The following SHCBP1L variants were observed in gnomAD, a reference collection of about 807,000 sequenced individuals.
SHCBP1L encodes the protein testicular spindle-associated protein SHCBP1L.
SHCBP1L carries 67 observed loss-of-function variants against 62.5 expected under a neutral mutation model. That is an observed-to-expected ratio of 1.07 (90% CI 0.88 to 1.31). The LOEUF (loss-of-function observed/expected upper bound fraction) is 1.31. SHCBP1L is among the 40% of genes most tolerant of loss of function. SHCBP1L has a pLI of 0.00. For synonymous variants in SHCBP1L, 284 were observed against 289.4 expected, an observed-to-expected ratio of 0.98 and a Z score of 0.19; for missense variants, 823 against 809.8, an observed-to-expected ratio of 1.02 and a Z score of -0.20.
intron 2 of SHCBP1L, chr1:182,942,308 A>G (rs1302335153): frequency 3.3e-6 from 3 of 909,490 alleles, no homozygotes; most frequent in Non-Finnish European, 5.6e-6. Flanking sequence ...CTTCGCTTCC[A>G]CTGTTGCAGG....
At chr1:182,930,551 G>GTATATA (rs10536791) in intron 5 of SHCBP1L, among the ~76,000 whole-genome samples, 91 of 49,444 alleles carry the variant, frequency 1.8e-3, no homozygotes, top group Non-Finnish European at 2.4e-3. Context: ...TAGTGTGTGT[G>GTATATA]TATATATATA....
intron 1 of SHCBP1L, among the ~76,000 whole-genome samples, chr1:182,952,298 G>A (rs1227829234): frequency 1.5e-5 from 2 of 131,196 alleles, no homozygotes; most frequent in Non-Finnish European, 3.1e-5. Context: ...ATATCATGCC[G>A]CATTGTGGAC....
At chr1:182,944,946 T>C (rs929739224) in intron 2 of SHCBP1L, among the ~76,000 whole-genome samples, 5 of 149,174 alleles carry the variant, frequency 3.4e-5, no homozygotes, top group African/African-American at 1.0e-4. Context: ...CATTTTCTTT[T>C]TTCTTTCTTT....
intron 6 of SHCBP1L, among the ~76,000 whole-genome samples, chr1:182,906,671 G>C (rs1650024430): frequency 6.6e-6 from 1 of 151,844 alleles, no homozygotes; most frequent in Non-Finnish European, 1.5e-5. Context: ...ACCTCAGGTG[G>C]TCCACCTGCC....
At chr1:182,926,054 G>A (rs74861085) in intron 6 of SHCBP1L, among the ~76,000 whole-genome samples, 23 of 152,238 alleles carry the variant, frequency 1.5e-4, no homozygotes, top group East Asian at 7.7e-4. Flanking sequence ...TGGGGGAAAG[G>A]GGAAATGGAG....
Position 182,950,306 on chromosome 1 carries a change from A to G in SHCBP1L, c.555+1012T>C, listed in dbSNP as rs188898544. On this transcript the variant is annotated intron_variant, in intron 2 of 9. Coordinates refer to ENST00000367547, the MANE Select transcript of SHCBP1L (RefSeq NM_030933.4). ...CTTTAACAGAATCAAACATGCCACAATGTTTAGCCTACAGGCCTAACAAAG... is the reference window on the plus strand; with the variant it reads ...CTTTAACAGAATCAAACATGCCACAGTGTTTAGCCTACAGGCCTAACAAAG... Among the ~76,000 whole-genome samples, 27 of 152,318 alleles carry G rather than the reference A, an allele frequency of 1.8e-4. No individual in the cohort carries two copies. In the East Asian group the frequency reaches 4.6e-3, roughly 26 times the overall value.
At position 182,953,022 on chromosome 1, in the gene SHCBP1L, T is replaced by C; in HGVS notation, c.112A>G (p.Thr38Ala). 6.5e-7 allele frequency: 1 copy of C among 1,542,086 alleles called. No individual in the cohort carries two copies. Among genetic ancestry groups the C allele is most frequent in the Non-Finnish European group, 8.7e-7 (1 of 1,148,580 alleles). The change falls in exon 1 of 10, where the codon ACC becomes GCC. Residue 38 changes from threonine to alanine, a missense_variant. Physicochemically the swap from Thr to Ala is moderately conservative, Grantham distance 58. Transcript: ENST00000367547. ...GGGATCGCGGTGCCCTTCAGGGTGG[T>C]CGCGGCCGCCGTGTCCCCGGAGACA... Reference protein sequence around the residue: ...SAVSGDTAAATTLKGTAIPVR... With the variant: ...SAVSGDTAAAATLKGTAIPVR...
chr1:182,900,809 G>T (rs1320121346), intron 9 of SHCBP1L, among the ~76,000 whole-genome samples: 1 of 151,976 alleles, frequency 6.6e-6, no homozygotes, highest in East Asian at 1.9e-4. Context: ...GAGGCAGAAG[G>T]ATAGCTTGAG....
chr1:182,929,809 C>T, intron 5 of SHCBP1L, 57 bp from the exon 6 acceptor site: 3 of 1,208,660 alleles, frequency 2.5e-6, no homozygotes, highest in Non-Finnish European at 2.3e-6. Flanking sequence ...CTGACCTTGT[C>T]CTTACTTGTA....
rs183927731 is a variant in SHCBP1L at position 182,945,244 on chromosome 1, G to A, written c.556-4701C>T. ...CTCCCAAAGTGCTGGTATTACAGGCGTGAGCCACTGCGCCCAGCCATTTGC... is the reference window on the plus strand; with the variant it reads ...CTCCCAAAGTGCTGGTATTACAGGCATGAGCCACTGCGCCCAGCCATTTGC... On this transcript the variant is annotated intron_variant, in intron 2 of 9. Transcript: ENST00000367547. Among the ~76,000 whole-genome samples the A allele has an allele frequency of 7.2e-5, 11 of 152,212 alleles. No individual in the cohort carries two copies. The East Asian group carries it at 1.7e-3, about 24-fold the overall frequency.
At chr1:182,934,190 T>C (rs1431406995) in intron 5 of SHCBP1L, among the ~76,000 whole-genome samples, 2 of 152,186 alleles carry the variant, frequency 1.3e-5, no homozygotes, top group Admixed American at 1.3e-4. Context: ...TCAAATTAAT[T>C]GGGTAAATAC....
At chr1:182,934,804 A>T (rs946103680) in intron 5 of SHCBP1L, among the ~76,000 whole-genome samples, 1 of 152,120 alleles carries the variant, frequency 6.6e-6, no homozygotes, top group Non-Finnish European at 1.5e-5. Flanking sequence ...TTTGAGTTTT[A>T]TGTTTAGGTT....
At chr1:182,917,198 A>G (rs1185758336) in intron 6 of SHCBP1L, among the ~76,000 whole-genome samples, 2 of 152,224 alleles carry the variant, frequency 1.3e-5, no homozygotes, top group African/African-American at 4.8e-5. Flanking sequence ...CCTTTTGAAT[A>G]TAAATGCAAA....
intron 6 of SHCBP1L, among the ~76,000 whole-genome samples, chr1:182,923,047 C>T (rs948538799): frequency 6.6e-6 from 1 of 152,164 alleles, no homozygotes; most frequent in East Asian, 1.9e-4. Context: ...ACAAAAAGGA[C>T]ATTACTACTG....
chr1:182,922,379 C>T (rs1385099962), intron 6 of SHCBP1L, among the ~76,000 whole-genome samples: 1 of 151,774 alleles, frequency 6.6e-6, no homozygotes, highest in African/African-American at 2.4e-5. Context: ...ATGGTGAAAC[C>T]CCATCTCTAC....
intron 6 of SHCBP1L, among the ~76,000 whole-genome samples, chr1:182,906,359 T>C (rs968712051): frequency 3.3e-5 from 5 of 152,180 alleles, no homozygotes; most frequent in Admixed American, 2.0e-4. Context: ...CCAGATCTCA[T>C]GCTCTTCCCT....
intron 6 of SHCBP1L, among the ~76,000 whole-genome samples, chr1:182,909,856 C>T (rs1315959610): frequency 6.6e-6 from 1 of 152,120 alleles, no homozygotes; most frequent in African/African-American, 2.4e-5. Context: ...GGAGATTCTA[C>T]GTGACCACAA....
intron 6 of SHCBP1L, among the ~76,000 whole-genome samples, chr1:182,924,966 G>GAAAT (rs1650685785): frequency 8.7e-6 from 1 of 114,304 alleles, no homozygotes; most frequent in Non-Finnish European, 1.7e-5. Flanking sequence ...AAGAAAGAAA[G>GAAAT]AAAGAAAGAA....
chr1:182,906,764 T>G (rs1650028338), intron 6 of SHCBP1L, among the ~76,000 whole-genome samples: 1 of 152,098 alleles, frequency 6.6e-6, no homozygotes, highest in Non-Finnish European at 1.5e-5. Context: ...AAAATATGCA[T>G]TGGGAGTAGA....
Sources: allele counts gnomAD v4.1 joint callset (sites outside exome capture counted in the v4.1 genomes callset), GRCh38; gene constraint gnomAD v4.1.1; transcripts MANE v1.5; gene names NCBI Gene and HGNC (gene_info 2026-07-23, HGNC 2026-07-21).